GPR37L1: variants seen among roughly 807,000 people sequenced by gnomAD.
The protein encoded by GPR37L1 is G protein-coupled receptor 37 like 1, also known as G protein-coupled receptor 37-like 1.
Under a neutral mutation model 18.0 loss-of-function variants are expected in GPR37L1, and 18 were observed. The observed-to-expected ratio is 1.00, with a 90% CI of 0.69 to 1.49. GPR37L1 has a LOEUF of 1.49. GPR37L1 is among the 40% of genes most tolerant of loss of function. The pLI, the probability that GPR37L1 is intolerant of heterozygous loss-of-function variation, is 0.00. For missense variants in GPR37L1, 558 were observed against 615.1 expected (o/e 0.91, Z 0.98); for synonymous variants, 256 against 273.9 (o/e 0.93, Z 0.65).
In GPR37L1 at chr1:202,123,122, CA is replaced by C; in HGVS notation, c.161del (p.Lys54ArgfsTer49). On this transcript the variant is annotated frameshift_variant, in exon 1 of 2. Transcript: ENST00000367282. LOFTEE classifies it high-confidence loss of function. ...SKRGTEDEEA[K>X]GVQQYVPEEW... is the part of the protein sequence containing the mutation. ...AGAGGGGCACCGAGGATGAGGAGGC[CA>C]AGGGCGTGCAGCAGTATGTGCCTGA... The C allele has an allele frequency of 6.2e-7, 1 of 1,613,630 alleles. No individual in the cohort carries two copies. Among genetic ancestry groups the C allele is most frequent in the Non-Finnish European group, 8.5e-7 (1 of 1,179,820 alleles).
chr1:202,127,642 C>T (rs1654706595), intron 1 of GPR37L1, 99 bp from the exon 2 acceptor site: 1 of 825,172 alleles, frequency 1.2e-6, no homozygotes, highest in Non-Finnish European at 2.0e-6. Flanking sequence ...ATGCTTATCA[C>T]TCAATTCATG....
In GPR37L1 at chr1:202,123,475, G is replaced by T; in HGVS notation, c.512G>T (p.Ser171Ile). ...AGTGCCTGGAACTCCATCCTTGCCA[G>T]CCTGGCCCTCTGGGATTTTCTGGTC... ...LKSAWNSILASLALWDFLVLF... is the reference protein window; with the variant it reads ...LKSAWNSILAILALWDFLVLF... The change falls in exon 1 of 2, where the codon AGC (serine) becomes ATC (isoleucine). Residue 171 changes from serine to isoleucine, a missense_variant. Transcript: ENST00000367282. 6.2e-7 allele frequency: 1 copy of T among 1,614,082 alleles called. No individual in the cohort carries two copies. Among genetic ancestry groups the T allele is most frequent in the Non-Finnish European group, 8.5e-7 (1 of 1,179,998 alleles).
At chr1:202,126,916 A>C (rs919030430) in intron 1 of GPR37L1, among the ~76,000 whole-genome samples, 15 of 151,926 alleles carry the variant, frequency 9.9e-5, no homozygotes, top group Admixed American at 1.3e-4. Flanking sequence ...AGGCATGCAG[A>C]TAATGGGGTG....
In GPR37L1 at chr1:202,126,185, G is replaced by A. The variant is rs890101655; in HGVS notation, c.631-1556G>A. Among the ~76,000 whole-genome samples the A allele has an allele frequency of 6.6e-5, 10 of 152,180 alleles. 1 individual carries two copies. The highest frequency in any genetic ancestry group is 1.9e-4 in the East Asian group (1 of 5,162). ...AGCACTTTGGGAGGCCGAGGTGGGC[G>A]GATCACGAGGTCAGGAGATCGAGAC... On this transcript the variant is annotated intron_variant, in intron 1 of 1. Coordinates refer to ENST00000367282, the MANE Select transcript of GPR37L1 (RefSeq NM_004767.5).
In GPR37L1 at chr1:202,128,431, G is replaced by A. The variant is rs61734417; in HGVS notation, c.1321G>A (p.Gly441Arg). 7,634 of 1,611,846 alleles carry A rather than the reference G, an allele frequency of 4.7e-3. 35 individuals are homozygous for A. Among genetic ancestry groups the A allele is most frequent in the Non-Finnish European group, 5.4e-3 (6,414 of 1,179,076 alleles). Residue 441 changes from glycine (G) to arginine (R), a missense_variant, in exon 2 of 2, where the codon GGG (glycine) becomes AGG (arginine). By Grantham distance (125) the Gly-to-Arg change is moderately radical. Transcript: ENST00000367282. ...CTGCTGCTGCTGTGAGGAGTGCGGCGGGGCTTCGGAGGCCTCTGCTGCCAA... is the reference window on the plus strand; with the variant it reads ...CTGCTGCTGCTGTGAGGAGTGCGGCAGGGCTTCGGAGGCCTCTGCTGCCAA... ...CCCCCCEECG[G>R]ASEASAANGS...
At position 202,128,182 on chromosome 1, in the gene GPR37L1, A is replaced by T. The variant is rs1321263982; in HGVS notation, c.1072A>T (p.Asn358Tyr). 6.2e-7 allele frequency: 1 copy of T among 1,613,884 alleles called. No homozygotes were observed. The highest frequency in any genetic ancestry group is 1.3e-5 in the African/African-American group (1 of 74,902). ...GCACGAGCAGTGTGAGAGCCAGCTC[A>T]ACAGCACCGTGGTGGGCCTGACCGT... ...SKHEQCESQL[N>Y]STVVGLTVVY... Residue 358 changes from asparagine to tyrosine, a missense_variant, in exon 2 of 2, where the codon AAC (asparagine) becomes TAC (tyrosine). Coordinates refer to ENST00000367282, the MANE Select transcript of GPR37L1 (RefSeq NM_004767.5).
intron 1 of GPR37L1, among the ~76,000 whole-genome samples, 187 bp from the exon 2 acceptor site, chr1:202,127,554 G>A (rs190242763): frequency 1.3e-5 from 2 of 152,256 alleles, no homozygotes; most frequent in African/African-American, 4.8e-5. Flanking sequence ...GGGCTCAAGT[G>A]ATCTGCCTGC....
In GPR37L1 at chr1:202,131,978, C is replaced by T. The variant is rs1328990634; in HGVS notation, c.*3422C>T. ...CTCAAACTCCCAGACTCAAGTCATTCTCCTACCTCGGGCTCCCAAAGTACT... is the reference window on the plus strand; with the variant it reads ...CTCAAACTCCCAGACTCAAGTCATTTTCCTACCTCGGGCTCCCAAAGTACT... On this transcript the variant is annotated 3_prime_UTR_variant, in exon 2 of 2. Transcript: ENST00000367282. 1 of 152,250 alleles carries T rather than the reference C, an allele frequency of 6.6e-6. No homozygotes were observed. The highest frequency in any genetic ancestry group is 2.4e-5 in the African/African-American group (1 of 41,450). The allele number at this position is 152,250 out of a possible 1,614,324, so 9.4% of individuals were successfully genotyped here.
At chr1:202,127,291 C>T (rs1157340117) in intron 1 of GPR37L1, among the ~76,000 whole-genome samples, 3 of 124,214 alleles carry the variant, frequency 2.4e-5, no homozygotes, top group African/African-American at 6.5e-5. Context: ...TCCTTCCTTC[C>T]TTCCTTCCTT....
intron 1 of GPR37L1, among the ~76,000 whole-genome samples, chr1:202,126,767 T>A (rs895892996): frequency 3.3e-5 from 5 of 151,676 alleles, no homozygotes; most frequent in African/African-American, 1.2e-4. Flanking sequence ...CACTGGCTGC[T>A]CAGAGGGGGG....
At chr1:202,124,338 C>A (rs1352981773) in intron 1 of GPR37L1, among the ~76,000 whole-genome samples, 5 of 152,200 alleles carry the variant, frequency 3.3e-5, no homozygotes, top group Non-Finnish European at 7.3e-5. Context: ...ATTTCTTTAT[C>A]TCCCAACCAG....
At chr1:202,124,767 A>G (rs999333156) in intron 1 of GPR37L1, among the ~76,000 whole-genome samples, 1 of 152,222 alleles carries the variant, frequency 6.6e-6, no homozygotes, top group Non-Finnish European at 1.5e-5. Context: ...TGATGATGTC[A>G]TAGTTGGACA....
Position 202,128,182 on chromosome 1 carries a change from A to C in GPR37L1, c.1072A>C (p.Asn358His), listed in dbSNP as rs1321263982. ...GCACGAGCAGTGTGAGAGCCAGCTC[A>C]ACAGCACCGTGGTGGGCCTGACCGT... The part of the protein sequence containing the change: ...SKHEQCESQL[N>H]STVVGLTVVY... Residue 358 changes from asparagine to histidine, a missense_variant, in exon 2 of 2, where the codon AAC (asparagine) becomes CAC (histidine). By Grantham distance (68) the Asn-to-His change is moderately conservative (BLOSUM62 1). Transcript: ENST00000367282. The C allele has an allele frequency of 6.2e-7, 1 of 1,613,884 alleles. No individual in the cohort carries two copies. Among genetic ancestry groups the C allele is most frequent in the Non-Finnish European group, 8.5e-7 (1 of 1,180,012 alleles).
chr1:202,125,512 G>A (rs1420825449), intron 1 of GPR37L1, among the ~76,000 whole-genome samples: 1 of 152,112 alleles, frequency 6.6e-6, no homozygotes, highest in Non-Finnish European at 1.5e-5. Flanking sequence ...TTTGCATGTG[G>A]CTGGTAGGTC....
chr1:202,122,928 C>T lies in GPR37L1; in HGVS notation c.-36C>T. The T allele has an allele frequency of 6.2e-7, 1 of 1,609,800 alleles. No individual in the cohort carries two copies. Among genetic ancestry groups the T allele is most frequent in the African/African-American group, 1.3e-5 (1 of 74,996 alleles). On this transcript the variant is annotated 5_prime_UTR_variant, in exon 1 of 2. Coordinates refer to ENST00000367282, the MANE Select transcript of GPR37L1 (RefSeq NM_004767.5). The stretch of plus-strand genomic sequence containing the variant: ...CTCTTGGGCCCCCTGCACTCACCTG[C>T]TCTTCCTGGGCTGGCTGTCTCCTGC...
chr1:202,130,247 T>C lies in GPR37L1; in HGVS notation c.*1691T>C, dbSNP rs917727090. ...CAGCTTTCCTCAGAACCACCCCCCC[T>C]GTCTGAAGCTCTGTCCTGGGTCCCA... On this transcript the variant is annotated 3_prime_UTR_variant, in exon 2 of 2. Coordinates refer to ENST00000367282, the MANE Select transcript of GPR37L1 (RefSeq NM_004767.5). 3 of 152,348 alleles carry C rather than the reference T, an allele frequency of 2.0e-5. No homozygotes were observed. The highest frequency in any genetic ancestry group is 6.5e-5 in the Admixed American group (1 of 15,282). 9.4% of individuals were successfully genotyped at this position (152,348 alleles called of 1,614,324 possible). A position where few individuals can be genotyped will look rare whatever the true frequency, so the allele number is the denominator to read the frequency against.
chr1:202,126,516 C>A (rs1201658470), intron 1 of GPR37L1, among the ~76,000 whole-genome samples: 1 of 152,150 alleles, frequency 6.6e-6, no homozygotes, highest in East Asian at 1.9e-4. Flanking sequence ...ACAAAGAACA[C>A]TTGGTGGCTG....
rs1000299850 is a variant in GPR37L1 at position 202,133,299 on chromosome 1, C to T, written c.*4743C>T. 1.3e-5 allele frequency: 2 copies of T among 152,272 alleles called. No individual in the cohort carries two copies. Among genetic ancestry groups the T allele is most frequent in the African/African-American group, 4.8e-5 (2 of 41,468 alleles). 9.4% of individuals were successfully genotyped at this position (152,272 alleles called of 1,614,324 possible). On this transcript the variant is annotated 3_prime_UTR_variant, in exon 2 of 2. Coordinates refer to ENST00000367282, the MANE Select transcript of GPR37L1 (RefSeq NM_004767.5). Reference sequence around the variant, plus strand: ...CCCGGGCGGGCATGTGCTCGCGCTCCGTGGCTCTGTTGGTGCCCAGCGTGC... The same window carrying T: ...CCCGGGCGGGCATGTGCTCGCGCTCTGTGGCTCTGTTGGTGCCCAGCGTGC...
chr1:202,122,939 C>G lies in GPR37L1; in HGVS notation c.-25C>G, dbSNP rs1654541183. 6.2e-7 allele frequency: 1 copy of G among 1,610,652 alleles called. No individual in the cohort carries two copies. Among genetic ancestry groups the G allele is most frequent in the South Asian group, 1.1e-5 (1 of 90,926 alleles). On this transcript the variant is annotated 5_prime_UTR_variant, in exon 1 of 2. Coordinates refer to ENST00000367282, the MANE Select transcript of GPR37L1 (RefSeq NM_004767.5). ...CCTGCACTCACCTGCTCTTCCTGGG[C>G]TGGCTGTCTCCTGCTCATCCAGCCA...
Sources: gnomAD v4.1 joint callset for allele counts (sites outside exome capture counted in the v4.1 genomes callset) on GRCh38, gnomAD v4.1.1 for gene constraint, MANE v1.5 for transcripts, NCBI Gene and HGNC (gene_info 2026-07-23, HGNC 2026-07-21) for gene names.